The following SAP130 variants were observed in gnomAD, a reference collection of about 807,000 sequenced individuals.
The protein encoded by SAP130 is Sin3A associated protein 130.
A neutral mutation model predicts 103.2 loss-of-function variants in SAP130; 16 were observed. The observed-to-expected ratio is 0.16, with a 90% CI of 0.10 to 0.24. The LOEUF (loss-of-function observed/expected upper bound fraction) is 0.24. SAP130 is among the 10% of genes least tolerant of loss of function. The probability of loss-of-function intolerance (pLI) is 1.00; values close to 1 mark genes in which losing one functional copy is unlikely to be tolerated. For synonymous variants in SAP130, 477 were observed against 497.0 expected (o/e 0.96, Z 0.53); for missense variants, 990 against 1,359.7 (o/e 0.73, Z 4.28).
At chr2:128,020,352 C>G (rs1685069524) in intron 2 of SAP130, among the ~76,000 whole-genome samples, 1 of 152,162 alleles carries the variant, frequency 6.6e-6, no homozygotes, top group African/African-American at 2.4e-5. Context: ...CAATCTTCTA[C>G]CTTGTAACAC....
At chr2:127,995,327 T>C (rs1683099570) in intron 11 of SAP130, among the ~76,000 whole-genome samples, 2 of 152,184 alleles carry the variant, frequency 1.3e-5, no homozygotes, top group South Asian at 4.1e-4. Context: ...ATCTCGTCAT[T>C]GGAAAATAAG....
intron 7 of SAP130, among the ~76,000 whole-genome samples, chr2:128,006,133 G>A (rs1683962697): frequency 1.3e-5 from 2 of 149,452 alleles, no homozygotes; most frequent in East Asian, 3.9e-4. Flanking sequence ...TCTAGAAGAC[G>A]GGAAAAATTA....
At position 128,000,292 on chromosome 2, in the gene SAP130, C is replaced by T. The variant is rs775011324; in HGVS notation, c.1017+15G>A. ...CCAACAAAGTACACAGGTGGTTCTCCACTTTTGGTTTTACCTGAGCCATTG... is the reference window on the plus strand; with the variant it reads ...CCAACAAAGTACACAGGTGGTTCTCTACTTTTGGTTTTACCTGAGCCATTG... On this transcript the variant is annotated intron_variant, in intron 8 of 20. Transcript: ENST00000643581. 4.8e-5 allele frequency: 78 copies of T among 1,614,086 alleles called. No individual in the cohort carries two copies. In the Admixed American group the frequency reaches 1.3e-3, roughly 26 times the overall value.
intron 6 of SAP130, among the ~76,000 whole-genome samples, chr2:128,010,752 T>C (rs1007252944): frequency 6.6e-6 from 1 of 151,876 alleles, no homozygotes; most frequent in Non-Finnish European, 1.5e-5. Flanking sequence ...TAATCCCAGC[T>C]ACTCAGGAGG....
chr2:128,020,974 A>G (rs981405934), intron 2 of SAP130, among the ~76,000 whole-genome samples: 1 of 152,166 alleles, frequency 6.6e-6, no homozygotes, highest in African/African-American at 2.4e-5. Context: ...TGGGCAACGA[A>G]GCAAGACTCT....
intron 15 of SAP130, among the ~76,000 whole-genome samples, chr2:127,962,127 T>C (rs1174711084): frequency 1.3e-5 from 2 of 152,142 alleles, no homozygotes; most frequent in African/African-American, 2.4e-5. Context: ...GTTATAACAG[T>C]TTGCACTCTC....
Position 127,996,403 on chromosome 2 carries a change from G to A in SAP130, c.1302C>T (p.Ser434=), listed in dbSNP as rs376086469. Residue 434 remains serine, a synonymous_variant, in exon 11 of 21, where the codon TCC becomes TCT. Transcript: ENST00000643581. This position sits in a 1 kb window ranked among gnomAD's most constrained non-coding sequence, Gnocchi z 4.3. ...PAERSSLIPI[S]GHRASPNPVA... Reference sequence around the variant, plus strand: ...CAGGATTGGGAGAGGCCCGATGTCCGGAGATGGGAATCAGGCTACTCCTCT... The same window carrying A: ...CAGGATTGGGAGAGGCCCGATGTCCAGAGATGGGAATCAGGCTACTCCTCT... 30 of 1,610,904 alleles carry A rather than the reference G, an allele frequency of 1.9e-5. No individual in the cohort carries two copies. The African/African-American group carries it at 2.5e-4, about 14-fold the overall frequency.
rs773989638 is a variant in SAP130 at position 128,000,123 on chromosome 2, C to G, written c.1041G>C (p.Thr347=). The G allele has an allele frequency of 6.2e-7, 1 of 1,614,078 alleles. No homozygotes were observed. The highest frequency in any genetic ancestry group is 1.1e-5 in the South Asian group (1 of 91,090). Residue 347 remains threonine (T), a synonymous_variant, in exon 9 of 21, where the codon ACG becomes ACC. Transcript: ENST00000643581. ...GTGCTACTGTGGCTGCAGCCACTGG[C>G]GTGCCAGTACTGAAGATTGTTTTCT... ...MAQKTIFSTG[T]PVAAATVAPI...
rs577528630 is a variant in SAP130, at chr2:127,988,896, A to G, written c.1780+668T>C. ...GACTTATTCCATTTTTCAAAATGTT[A>G]TTCCACTAGTATTTCTTTTTAAGAA... On this transcript the variant is annotated intron_variant, in intron 13 of 20. Transcript: ENST00000643581. 6.6e-5 allele frequency among the ~76,000 whole-genome samples: 10 copies of G among 152,266 alleles called. No individual in the cohort carries two copies. In the South Asian group the frequency reaches 2.1e-3, roughly 32 times the overall value.
rs34467505 is a variant in SAP130 at position 127,986,755 on chromosome 2, G to C, written c.1958+30C>G. Reference sequence around the variant, plus strand: ...ATACCAGTTATATCCAGAACCAGAGGTGTCATTCGGCACTACCAGGTCTAC... The same window carrying C: ...ATACCAGTTATATCCAGAACCAGAGCTGTCATTCGGCACTACCAGGTCTAC... On this transcript the variant is annotated intron_variant, in intron 14 of 20. Coordinates refer to ENST00000643581, the MANE Select transcript of SAP130 (RefSeq NM_001330301.2). This position sits in a 1 kb window ranked among gnomAD's most constrained non-coding sequence, Gnocchi z 4.7. The C allele has an allele frequency of 3.1e-6, 5 of 1,603,680 alleles. No homozygotes were observed. Among genetic ancestry groups the C allele is most frequent in the Non-Finnish European group, 4.3e-6 (5 of 1,172,124 alleles).
chr2:127,973,239 T>G (rs552182271), intron 15 of SAP130, among the ~76,000 whole-genome samples: 2 of 152,276 alleles, frequency 1.3e-5, no homozygotes, highest in Admixed American at 1.3e-4. Flanking sequence ...TCAGAATTTT[T>G]TTGTTGTTGT....
chr2:127,992,421 T>C (rs1392558504), intron 12 of SAP130, among the ~76,000 whole-genome samples: 3 of 152,020 alleles, frequency 2.0e-5, no homozygotes, highest in South Asian at 4.1e-4. Flanking sequence ...GCTGGGATTA[T>C]AGGCATGTGC....
intron 2 of SAP130, among the ~76,000 whole-genome samples, chr2:128,024,103 T>C (rs936931003): frequency 6.6e-6 from 1 of 152,138 alleles, no homozygotes; most frequent in African/African-American, 2.4e-5. Flanking sequence ...TTTAGAAATA[T>C]GAGTAGATAC....
chr2:127,957,461 G>C (rs1340944923), intron 15 of SAP130, among the ~76,000 whole-genome samples: 1 of 152,178 alleles, frequency 6.6e-6, no homozygotes, highest in Non-Finnish European at 1.5e-5. Flanking sequence ...GATCGCTTGA[G>C]CCCAGGAATT....
At position 127,961,519 on chromosome 2, in the gene SAP130, T is replaced by C. The variant is rs1157205284; in HGVS notation, c.2064-6175A>G. 7.9e-3 allele frequency among the ~76,000 whole-genome samples: 50 copies of C among 6,298 alleles called. 1 individual carries two copies. The highest frequency in any genetic ancestry group is 0.012 in the African/African-American group (49 of 4,090). 4.1% of individuals were successfully genotyped at this position (6,298 alleles called of 152,430 possible). On this transcript the variant is annotated intron_variant, in intron 15 of 20. Coordinates refer to ENST00000643581, the MANE Select transcript of SAP130 (RefSeq NM_001330301.2). ...CATAGCATATACCTCATACCTTGCT[T>C]TTTTTTTTTTTTTTGACTCAATTGG...
chr2:128,004,822 C>G (rs544766012), intron 7 of SAP130, among the ~76,000 whole-genome samples: 2 of 152,194 alleles, frequency 1.3e-5, no homozygotes, highest in South Asian at 4.1e-4. Flanking sequence ...TAATGGCCAA[C>G]AAAATTCAAA....
In SAP130 at chr2:127,989,141, C is replaced by T. The variant is rs1682603542; in HGVS notation, c.1780+423G>A. 6.6e-6 allele frequency among the ~76,000 whole-genome samples: 1 copy of T among 151,648 alleles called. No individual in the cohort carries two copies. The highest frequency in any genetic ancestry group is 2.1e-4 in the South Asian group (1 of 4,820). The stretch of plus-strand genomic sequence containing the variant: ...GGAGACAGAGTCTCACTCTGTGGCC[C>T]AGGCTGGAGTGCAGTGGCGTGATCT... On this transcript the variant is annotated intron_variant, in intron 13 of 20. Coordinates refer to ENST00000643581, the MANE Select transcript of SAP130 (RefSeq NM_001330301.2). This position sits in a 1 kb window ranked among gnomAD's most constrained non-coding sequence, Gnocchi z 4.6.
intron 7 of SAP130, 42 bp from the exon 8 acceptor site, chr2:128,000,496 T>C: frequency 1.9e-6 from 3 of 1,609,652 alleles, no homozygotes; most frequent in Non-Finnish European, 2.5e-6. Flanking sequence ...GGCAAGGTCA[T>C]TTACAATCTT....
At chr2:127,998,871 G>A (rs1192088196) in intron 10 of SAP130, among the ~76,000 whole-genome samples, 9 of 152,188 alleles carry the variant, frequency 5.9e-5, no homozygotes, top group Admixed American at 4.6e-4. Context: ...AACGTTAAGC[G>A]TCTGGGCTTG....
Sources: gnomAD v4.1 joint callset for allele counts (sites outside exome capture counted in the v4.1 genomes callset) on GRCh38, gnomAD v4.1.1 for gene constraint, Gnocchi (gnomAD v3.1) non-coding constraint, MANE v1.5 for transcripts, NCBI Gene and HGNC (gene_info 2026-07-23, HGNC 2026-07-21) for gene names.